Variants in ANKRD46 observed in about 807,000 individuals in gnomAD.
ANKRD46 encodes the protein ankyrin repeat domain 46, also known as ankyrin repeat domain-containing protein 46.
ANKRD46 carries 13 observed loss-of-function variants against 19.8 expected under a neutral mutation model. That is an observed-to-expected ratio of 0.66 (90% confidence interval 0.43 to 1.04). The LOEUF (loss-of-function observed/expected upper bound fraction) is 1.04, where lower values mean the gene tolerates loss of function less well. ANKRD46 is among the 50% of genes least tolerant of loss of function. The probability of loss-of-function intolerance (pLI) is 0.00; values close to 1 mark genes in which losing one functional copy is unlikely to be tolerated. For missense variants in ANKRD46, 185 were observed against 274.8 expected, an observed-to-expected ratio of 0.67 and a Z score of 2.31; for synonymous variants, 91 against 106.9, an observed-to-expected ratio of 0.85 and a Z score of 0.92.
At chr8:100,531,824 A>G (rs1354438281) in intron 2 of ANKRD46, among the ~76,000 whole-genome samples, 1 of 152,198 alleles carries the variant, frequency 6.6e-6, no homozygotes, top group African/African-American at 2.4e-5. Flanking sequence ...TTTTAAGTCA[A>G]AGAAATGGCA....
Position 100,520,992 on chromosome 8 carries a change from C to G in ANKRD46, c.*1563G>C. On this transcript the variant is annotated 3_prime_UTR_variant, in exon 5 of 5. Transcript: ENST00000335659. ...TACTTCAAATTTGAATTGTAGTGTTCTCCATTCCAAAGCCAGCTGTTTTTT... is the reference window on the plus strand; with the variant it reads ...TACTTCAAATTTGAATTGTAGTGTTGTCCATTCCAAAGCCAGCTGTTTTTT... 1 of 985,080 alleles carries G rather than the reference C, an allele frequency of 1.0e-6. No homozygotes were observed. Among genetic ancestry groups the G allele is most frequent in the Non-Finnish European group, 1.2e-6 (1 of 829,806 alleles). The allele number at this position is 985,080 out of a possible 1,614,324, so 61.0% of individuals were successfully genotyped here.
chr8:100,525,513 C>T lies in ANKRD46; in HGVS notation c.470+2332G>A, dbSNP rs887423661. ...ATAAACAGAATCATGTAATATGTGG[C>T]CTTTTGTGCCTGGCTTCTCCAATGT... On this transcript the variant is annotated intron_variant, in intron 4 of 4. Coordinates refer to ENST00000335659, the MANE Select transcript of ANKRD46 (RefSeq NM_001270377.2). This position sits in a 1 kb window ranked among gnomAD's most constrained non-coding sequence, Gnocchi z 4.4. Among the ~76,000 whole-genome samples, 1 of 152,144 alleles carries T rather than the reference C, an allele frequency of 6.6e-6. No homozygotes were observed. The highest frequency in any genetic ancestry group is 1.5e-5 in the Non-Finnish European group (1 of 68,028).
At chr8:100,554,483 C>G (rs1195140497) in intron 1 of ANKRD46, 2 of 152,218 alleles carry the variant, frequency 1.3e-5, no homozygotes, top group Non-Finnish European at 1.5e-5. Flanking sequence ...TTTAGGGAAT[C>G]TGGAGCAAGA....
In ANKRD46 at chr8:100,557,052, GA is replaced by G. The variant is rs924837303; in HGVS notation, c.-131+2658del. ...GGGCACACATATAACGATAGCTGAT[GA>G]GCTTAAAAAAAAATACAATCAATCT... On this transcript the variant is annotated intron_variant, in intron 1 of 4. Transcript: ENST00000335659. The surrounding 1 kb of genome is among the most constrained non-coding windows in gnomAD (Gnocchi z 5.9). Among the ~76,000 whole-genome samples the G allele has an allele frequency of 2.4e-5, 3 of 122,970 alleles. No individual in the cohort carries two copies. The highest frequency in any genetic ancestry group is 7.8e-5 in the Admixed American group (1 of 12,768). 80.7% of individuals were successfully genotyped at this position (122,970 alleles called of 152,430 possible). A position where few individuals can be genotyped will look rare whatever the true frequency, so the allele number is the denominator to read the frequency against.
At chr8:100,526,055 T>C (rs542053776) in intron 4 of ANKRD46, among the ~76,000 whole-genome samples, 1 of 152,184 alleles carries the variant, frequency 6.6e-6, no homozygotes, top group East Asian at 1.9e-4. Flanking sequence ...GGGGTAGGAG[T>C]AAGATAGGAA....
intron 1 of ANKRD46, chr8:100,551,027 C>A: frequency 1.9e-6 from 1 of 514,048 alleles, no homozygotes. Context: ...ACACGGAAGG[C>A]CATGCTAGTG....
At chr8:100,555,473 A>T (rs1812475552) in intron 1 of ANKRD46, among the ~76,000 whole-genome samples, 1 of 151,290 alleles carries the variant, frequency 6.6e-6, no homozygotes, top group Non-Finnish European at 1.5e-5. Context: ...ATTAAAGAGG[A>T]CTGGGACTAA....
At chr8:100,551,285 G>T in intron 1 of ANKRD46, 1 of 505,588 alleles carries the variant, frequency 2.0e-6, no homozygotes, top group East Asian at 4.3e-5. Context: ...TGATGATCTT[G>T]AGGCTGTTTT....
At chr8:100,519,835 C>T (rs1017357906), downstream of ANKRD46, among the ~76,000 whole-genome samples, 9 of 152,166 alleles carry the variant, frequency 5.9e-5, no homozygotes, top group Non-Finnish European at 1.3e-4. Context: ...ACAGCTCACA[C>T]CTGCAGCTTG....
In ANKRD46 at chr8:100,550,966, A is replaced by C; in HGVS notation, c.-131+8745T>G. 1 of 577,054 alleles carries C rather than the reference A, an allele frequency of 1.7e-6. No individual in the cohort carries two copies. Among genetic ancestry groups the C allele is most frequent in the East Asian group, 4.3e-5 (1 of 23,222 alleles). The allele number at this position is 577,054 out of a possible 1,614,324, so 35.7% of individuals were successfully genotyped here. On this transcript the variant is annotated intron_variant, in intron 1 of 4. Coordinates refer to ENST00000335659, the MANE Select transcript of ANKRD46 (RefSeq NM_001270377.2). This position sits in a 1 kb window ranked among gnomAD's most constrained non-coding sequence, Gnocchi z 4.4. ...CCTTTTTGATGTCATCATATTTGGC[A>C]GGTTTCTCCAGATGGCAGGTCAGGT...
intron 1 of ANKRD46, among the ~76,000 whole-genome samples, chr8:100,539,685 C>T (rs1812136085): frequency 6.6e-6 from 1 of 152,188 alleles, no homozygotes; most frequent in South Asian, 2.1e-4. Context: ...TTAGTAACTT[C>T]ATAATTAAAA....
rs140674239 is a variant in ANKRD46, at chr8:100,527,881, G to A, written c.434C>T (p.Ser145Leu). Residue 145 changes from serine (S) to leucine (L), a missense_variant, in exon 4 of 5, where the codon TCG (serine) becomes TTG (leucine). Physicochemically the swap from Ser to Leu is moderately radical, Grantham distance 145. Coordinates refer to ENST00000335659, the MANE Select transcript of ANKRD46 (RefSeq NM_001270377.2). This position sits in a 1 kb window ranked among gnomAD's most constrained non-coding sequence, Gnocchi z 4.0. The stretch of plus-strand genomic sequence containing the variant: ...AGCTGTTTGCATGGTCTCCAGTTTC[G>A]AGTGGGTTCCTCTGTTAAATCCTTT... ...EVKGFNRGTH[S>L]KLETMQTAES... The A allele has an allele frequency of 6.8e-5, 109 of 1,613,432 alleles. No individual in the cohort carries two copies. The highest frequency in any genetic ancestry group is 8.8e-5 in the Non-Finnish European group (104 of 1,179,812).
At chr8:100,519,933 T>C (rs1463517157), downstream of ANKRD46, among the ~76,000 whole-genome samples, 1 of 152,188 alleles carries the variant, frequency 6.6e-6, no homozygotes, top group Non-Finnish European at 1.5e-5. Context: ...TATAAGTATT[T>C]GTGTACCAAG....
intron 4 of ANKRD46, 121 bp from the exon 5 acceptor site, chr8:100,522,892 CACACACACACACATAT>C (rs747171097): frequency 4.4e-5 from 25 of 572,770 alleles, no homozygotes; most frequent in Admixed American, 1.6e-4. Flanking sequence ...CACACACACA[CACACACACACACATAT>C]ATATATATAC....
In ANKRD46 at chr8:100,529,663, A is replaced by G. The variant is rs1811916945; in HGVS notation, c.171T>C (p.Asn57=). 3 of 1,614,124 alleles carry G rather than the reference A, an allele frequency of 1.9e-6. No homozygotes were observed. Among genetic ancestry groups the G allele is most frequent in the Non-Finnish European group, 2.5e-6 (3 of 1,180,060 alleles). ...TGLHLAAARG[N]VDICQLLHKF... is the part of the protein sequence containing the mutation. ...TATGCAGTAACTGGCAGATGTCTAC[A>G]TTCCCTCGAGCTGCTGCAAGGTGAA... Residue 57 remains asparagine, a synonymous_variant, in exon 3 of 5, where the codon AAT becomes AAC. Coordinates refer to ENST00000335659, the MANE Select transcript of ANKRD46 (RefSeq NM_001270377.2). The surrounding 1 kb of genome is among the most constrained non-coding windows in gnomAD (Gnocchi z 5.8).
chr8:100,529,703 C>G lies in ANKRD46; in HGVS notation c.131G>C (p.Arg44Thr). ...TGCAAGGTGAAGGCCTGTTCTGCCC[C>G]TGCTGTCACGAATATTTGGGTCAAA... ...SGFDPNIRDS[R>T]GRTGLHLAAA... Residue 44 changes from arginine to threonine, a missense_variant, in exon 3 of 5, where the codon AGG (arginine) becomes ACG (threonine). Physicochemically the swap from Arg to Thr is moderately conservative, Grantham distance 71. Coordinates refer to ENST00000335659, the MANE Select transcript of ANKRD46 (RefSeq NM_001270377.2). This position sits in a 1 kb window ranked among gnomAD's most constrained non-coding sequence, Gnocchi z 5.8. 6.2e-7 allele frequency: 1 copy of G among 1,614,254 alleles called. No individual in the cohort carries two copies. The highest frequency in any genetic ancestry group is 8.5e-7 in the Non-Finnish European group (1 of 1,180,050).
In ANKRD46 at chr8:100,529,219, C is replaced by G. The variant is rs978609293; in HGVS notation, c.311+304G>C. Among the ~76,000 whole-genome samples, 23 of 152,348 alleles carry G rather than the reference C, an allele frequency of 1.5e-4. 1 individual carries two copies. The Middle Eastern group carries it at 0.01, about 68-fold the overall frequency. ...GACTAAATGAGCTAACAAGTAAACA[C>G]AGTCTAGCTCATAGATTTTCAACAA... On this transcript the variant is annotated intron_variant, in intron 3 of 4. Transcript: ENST00000335659. This position sits in a 1 kb window ranked among gnomAD's most constrained non-coding sequence, Gnocchi z 5.8.
In ANKRD46 at chr8:100,557,960, C is replaced by T. The variant is rs1025698486; in HGVS notation, c.-131+1751G>A. 5.9e-5 allele frequency among the ~76,000 whole-genome samples: 9 copies of T among 152,198 alleles called. No individual in the cohort carries two copies. Among genetic ancestry groups the T allele is most frequent in the Non-Finnish European group, 7.3e-5 (5 of 68,048 alleles). The stretch of plus-strand genomic sequence containing the variant: ...GTTAACTTTCACAAATCCCGCTTAT[C>T]GTCCCCAACCCCACCTTCCTCCAGT... On this transcript the variant is annotated intron_variant, in intron 1 of 4. Coordinates refer to ENST00000335659, the MANE Select transcript of ANKRD46 (RefSeq NM_001270377.2). The surrounding 1 kb of genome is among the most constrained non-coding windows in gnomAD (Gnocchi z 5.9).
Position 100,520,807 on chromosome 8 carries a change from C to G in ANKRD46, c.*1748G>C. 3 of 979,284 alleles carry G rather than the reference C, an allele frequency of 3.1e-6. No homozygotes were observed. The highest frequency in any genetic ancestry group is 3.6e-6 in the Non-Finnish European group (3 of 827,170). The allele number at this position is 979,284 out of a possible 1,614,324, so 60.7% of individuals were successfully genotyped here. On this transcript the variant is annotated 3_prime_UTR_variant, in exon 5 of 5. Transcript: ENST00000335659. Reference sequence around the variant, plus strand: ...TATAAATACATTTATTGGTGGTATTCCTGAATGATGAATGCAGAGAACAGA... The same window carrying G: ...TATAAATACATTTATTGGTGGTATTGCTGAATGATGAATGCAGAGAACAGA...
Sources: allele counts gnomAD v4.1 joint callset (sites outside exome capture counted in the v4.1 genomes callset), GRCh38; gene constraint gnomAD v4.1.1; non-coding constraint Gnocchi (gnomAD v3.1); transcripts MANE v1.5; gene names NCBI Gene and HGNC (gene_info 2026-07-23, HGNC 2026-07-21).